SLC5A3: variants seen among roughly 807,000 people sequenced by gnomAD.
SLC5A3 encodes solute carrier family 5 member 3, also known as sodium/myo-inositol cotransporter.
A neutral mutation model predicts 43.2 loss-of-function variants in SLC5A3; 10 were observed. That is an observed-to-expected ratio of 0.23 (90% CI 0.14 to 0.39). The LOEUF is 0.39. Ranked by LOEUF, SLC5A3 falls within the 10% of genes least tolerant of loss-of-function variation. The pLI, the probability that SLC5A3 is intolerant of heterozygous loss-of-function variation, is 1.00. For synonymous variants in SLC5A3, 349 were observed against 322.0 expected, an observed-to-expected ratio of 1.08 and a Z score of -0.90; for missense variants, 608 against 893.4, an observed-to-expected ratio of 0.68 and a Z score of 4.07.
At chr21:34,089,514 T>C (rs1004423751) in intron 1 of SLC5A3, among the ~76,000 whole-genome samples, 2 of 152,228 alleles carry the variant, frequency 1.3e-5, no homozygotes, top group South Asian at 2.1e-4. Flanking sequence ...GCCAAACTTA[T>C]TGGTAGAATC....
chr21:34,091,600 A>G (rs1327906662), intron 1 of SLC5A3, among the ~76,000 whole-genome samples: 1 of 152,196 alleles, frequency 6.6e-6, no homozygotes, highest in Non-Finnish European at 1.5e-5. Flanking sequence ...ATTTATATTT[A>G]CACTTCTCTA....
In SLC5A3 at chr21:34,099,119, T is replaced by C. The variant is rs1979112036; in HGVS notation, c.*1764T>C. The C allele has an allele frequency of 1.0e-6, 1 of 999,654 alleles. No homozygotes were observed. Among genetic ancestry groups the C allele is most frequent in the Non-Finnish European group, 1.2e-6 (1 of 829,796 alleles). The allele number at this position is 999,654 out of a possible 1,614,324, so 61.9% of individuals were successfully genotyped here. On this transcript the variant is annotated 3_prime_UTR_variant, in exon 2 of 2. Transcript: ENST00000381151. ...ATGATCAGGAGGCTTTCTGAAGGAC[T>C]GAGTCTGTAAATGAAAAAATAATTT...
rs1015626660 is a variant in SLC5A3, at chr21:34,100,682, T to G, written c.*3327T>G. On this transcript the variant is annotated 3_prime_UTR_variant, in exon 2 of 2. Coordinates refer to ENST00000381151, the MANE Select transcript of SLC5A3 (RefSeq NM_006933.7). ...AAGAACTGAGTTGAGGGGGTTGTTA[T>G]GCACTTCTGTAACTTGAGGCTAAGC... 12 of 1,000,250 alleles carry G rather than the reference T, an allele frequency of 1.2e-5. No individual in the cohort carries two copies. Among genetic ancestry groups the G allele is most frequent in the Non-Finnish European group, 1.4e-5 (12 of 829,982 alleles). The allele number at this position is 1,000,250 out of a possible 1,614,324, so 62.0% of individuals were successfully genotyped here.
chr21:34,092,921 T>A (rs377103898), intron 1 of SLC5A3, among the ~76,000 whole-genome samples: 6 of 152,200 alleles, frequency 3.9e-5, no homozygotes, highest in African/African-American at 1.2e-4. Flanking sequence ...ATGACTTGGA[T>A]GGCTGTTGGG....
chr21:34,096,793 T>C lies in SLC5A3; in HGVS notation c.1595T>C (p.Leu532Pro). Residue 532 changes from leucine to proline, a missense_variant, in exon 2 of 2, where the codon CTC becomes CCC. Around this residue, in one of 2 missense-constraint regions of SLC5A3, gnomAD observed 210 missense variants for 224.8 expected, o/e 0.93. Transcript: ENST00000381151. This position sits in a 1 kb window ranked among gnomAD's most constrained non-coding sequence, Gnocchi z 5.9. ...CTCATTACTGTAATTGTGAGCCTTCTCACACCACCTCCCACAAAGGAACAG... is the reference window on the plus strand; with the variant it reads ...CTCATTACTGTAATTGTGAGCCTTCCCACACCACCTCCCACAAAGGAACAG... ...TGLITVIVSL[L>P]TPPPTKEQIR... 6.2e-7 allele frequency: 1 copy of C among 1,614,056 alleles called. No individual in the cohort carries two copies. Among genetic ancestry groups the C allele is most frequent in the Non-Finnish European group, 8.5e-7 (1 of 1,179,976 alleles).
chr21:34,084,127 A>ACTT (rs78035094), intron 1 of SLC5A3, among the ~76,000 whole-genome samples: 19,257 of 152,116 alleles, frequency 0.13, 1,593 homozygotes, highest in Non-Finnish European at 0.18. Flanking sequence ...CTTACTTCTT[A>ACTT]CTTCTTGAGT....
rs1276651610 is a variant in SLC5A3, at chr21:34,098,429, A to G, written c.*1074A>G. 3.0e-6 allele frequency: 3 copies of G among 999,946 alleles called. No individual in the cohort carries two copies. Among genetic ancestry groups the G allele is most frequent in the Non-Finnish European group, 3.6e-6 (3 of 829,864 alleles). The allele number at this position is 999,946 out of a possible 1,614,324, so 61.9% of individuals were successfully genotyped here. On this transcript the variant is annotated 3_prime_UTR_variant, in exon 2 of 2. Coordinates refer to ENST00000381151, the MANE Select transcript of SLC5A3 (RefSeq NM_006933.7). ...TTTTTAGAGGGAAAATTTAATTCTG[A>G]TATCTTATTGCATCCTTGATAAGTT...
Position 34,095,106 on chromosome 21 carries a change from C to T in SLC5A3, c.-93C>T, listed in dbSNP as rs1978903148. The T allele has an allele frequency of 6.0e-6, 9 of 1,511,452 alleles. No homozygotes were observed. The East Asian group carries it at 9.1e-5, about 15-fold the overall frequency. 93.6% of individuals were successfully genotyped at this position (1,511,452 alleles called of 1,614,324 possible). On this transcript the variant is annotated 5_prime_UTR_variant, in exon 2 of 2. The change creates a new upstream start codon in the 5' untranslated region. Coordinates refer to ENST00000381151, the MANE Select transcript of SLC5A3 (RefSeq NM_006933.7). ...GTGTTGCTCTGTGTAGTCCAGTTCA[C>T]GTATGGTTTACAGACTTGGCTGGGG... is the stretch of plus-strand genomic sequence containing the variant.
At chr21:34,075,066 A>G (rs1011068939) in intron 1 of SLC5A3, among the ~76,000 whole-genome samples, 3 of 152,244 alleles carry the variant, frequency 2.0e-5, no homozygotes, top group Admixed American at 2.0e-4. Context: ...GCTTACCAGC[A>G]TATGTAACTC....
chr21:34,074,949 C>G (rs1226675132), intron 1 of SLC5A3, among the ~76,000 whole-genome samples: 2 of 152,230 alleles, frequency 1.3e-5, no homozygotes, highest in Non-Finnish European at 2.9e-5. Context: ...TCCAGACAGC[C>G]TGGCCAGGCA....
rs1421035420 is a variant in SLC5A3 at position 34,095,655 on chromosome 21, T to A, written c.457T>A (p.Ser153Thr). 1 of 1,613,356 alleles carries A rather than the reference T, an allele frequency of 6.2e-7. No individual in the cohort carries two copies. Among genetic ancestry groups the A allele is most frequent in the Non-Finnish European group, 8.5e-7 (1 of 1,179,808 alleles). The change falls in exon 2 of 2, where the codon TCT (serine) becomes ACT (threonine). Residue 153 changes from serine (S) to threonine (T), a missense_variant. Around this residue, in one of 2 missense-constraint regions of SLC5A3, gnomAD observed 398 missense variants for 668.6 expected, o/e 0.60. Transcript: ENST00000381151. ...LYSGALFIQE[S>T]LGWNLYVSVI... ...TTCGGGTGCCCTTTTTATCCAGGAGTCTTTGGGTTGGAATCTTTATGTGTC... is the reference window on the plus strand; with the variant it reads ...TTCGGGTGCCCTTTTTATCCAGGAGACTTTGGGTTGGAATCTTTATGTGTC...
Position 34,102,449 on chromosome 21 carries a change from T to A in SLC5A3, c.*5094T>A, listed in dbSNP as rs1187226513. The A allele has an allele frequency of 3.0e-6, 3 of 1,000,016 alleles. No homozygotes were observed. The African/African-American group carries it at 5.2e-5, about 17-fold the overall frequency. The allele number at this position is 1,000,016 out of a possible 1,614,324, so 61.9% of individuals were successfully genotyped here. On this transcript the variant is annotated 3_prime_UTR_variant, in exon 2 of 2. Transcript: ENST00000381151. Reference sequence around the variant, plus strand: ...TTTTGTTTTGGGGTAAGCACCTAATTTATCCAGTAACCAACAACCCTAACC... The same window carrying A: ...TTTTGTTTTGGGGTAAGCACCTAATATATCCAGTAACCAACAACCCTAACC...
In SLC5A3 at chr21:34,101,547, A is replaced by G. The variant is rs1309907362; in HGVS notation, c.*4192A>G. On this transcript the variant is annotated 3_prime_UTR_variant, in exon 2 of 2. Coordinates refer to ENST00000381151, the MANE Select transcript of SLC5A3 (RefSeq NM_006933.7). The stretch of plus-strand genomic sequence containing the variant: ...GTGTATATGCCCACTTACCATTCAG[A>G]GAGACTGGTCTTTCTCTTTGTCTTC... The G allele has an allele frequency of 1.0e-6, 1 of 999,974 alleles. No homozygotes were observed. The highest frequency in any genetic ancestry group is 1.7e-5 in the African/African-American group (1 of 57,212). 61.9% of individuals were successfully genotyped at this position (999,974 alleles called of 1,614,324 possible).
chr21:34,080,870 T>C (rs1325145253), intron 1 of SLC5A3, among the ~76,000 whole-genome samples: 1 of 152,224 alleles, frequency 6.6e-6, no homozygotes, highest in East Asian at 1.9e-4. Context: ...GCTAGTAGTT[T>C]GCTTACAAGT....
rs1979296017 is a variant in SLC5A3, at chr21:34,102,612, C to G, written c.*5257C>G. The G allele has an allele frequency of 1.0e-6, 1 of 1,000,156 alleles. No homozygotes were observed. Among genetic ancestry groups the G allele is most frequent in the African/African-American group, 1.7e-5 (1 of 57,346 alleles). 62.0% of individuals were successfully genotyped at this position (1,000,156 alleles called of 1,614,324 possible). On this transcript the variant is annotated 3_prime_UTR_variant, in exon 2 of 2. Transcript: ENST00000381151. ...CTATTGACTTAAACCAATAACTGTA[C>G]TTTATGTAATGACTCTTAAATTTGG...
In SLC5A3 at chr21:34,100,983, G is replaced by A; in HGVS notation, c.*3628G>A. 1 of 999,584 alleles carries A rather than the reference G, an allele frequency of 1.0e-6. No individual in the cohort carries two copies. Among genetic ancestry groups the A allele is most frequent in the Non-Finnish European group, 1.2e-6 (1 of 829,432 alleles). 61.9% of individuals were successfully genotyped at this position (999,584 alleles called of 1,614,324 possible). ...ATTCTCCTGGCTCATTTTCATCAGA[G>A]GCATGATGACTGGAAAGGGATCACA... On this transcript the variant is annotated 3_prime_UTR_variant, in exon 2 of 2. Transcript: ENST00000381151.
At chr21:34,076,094 G>A (rs1324435438) in intron 1 of SLC5A3, among the ~76,000 whole-genome samples, 2 of 152,064 alleles carry the variant, frequency 1.3e-5, no homozygotes, top group Non-Finnish European at 2.9e-5. Flanking sequence ...CAAATCATTT[G>A]TGCATCTTGG....
Position 34,106,219 on chromosome 21 carries a change from G to A in SLC5A3, c.*8864G>A, listed in dbSNP as rs1320725680. 10 of 963,550 alleles carry A rather than the reference G, an allele frequency of 1.0e-5. No individual in the cohort carries two copies. The highest frequency in any genetic ancestry group is 1.1e-5 in the Non-Finnish European group (9 of 796,614). The allele number at this position is 963,550 out of a possible 1,614,324, so 59.7% of individuals were successfully genotyped here. A position where few individuals can be genotyped will look rare whatever the true frequency, so the allele number is the denominator to read the frequency against. On this transcript the variant is annotated 3_prime_UTR_variant, in exon 2 of 2. Transcript: ENST00000381151. Reference sequence around the variant, plus strand: ...AGTATAGTAATTATTTTATGGAAATGTTAGCAATTCTGTACCAACTTTGAA... The same window carrying A: ...AGTATAGTAATTATTTTATGGAAATATTAGCAATTCTGTACCAACTTTGAA...
Position 34,104,809 on chromosome 21 carries a change from C to G in SLC5A3, c.*7454C>G. ...TGTTATAACCTGTTAATCCTACGTA[C>G]TATGTGTTCTGTACCTTTACATGTT... On this transcript the variant is annotated 3_prime_UTR_variant, in exon 2 of 2. Coordinates refer to ENST00000381151, the MANE Select transcript of SLC5A3 (RefSeq NM_006933.7). 1.0e-6 allele frequency: 1 copy of G among 1,000,050 alleles called. No homozygotes were observed. The highest frequency in any genetic ancestry group is 1.2e-6 in the Non-Finnish European group (1 of 829,792). The allele number at this position is 1,000,050 out of a possible 1,614,324, so 61.9% of individuals were successfully genotyped here.
Sources: gnomAD v4.1 joint callset for allele counts (sites outside exome capture counted in the v4.1 genomes callset) on GRCh38, gnomAD v4.1.1 for gene constraint, gnomAD v4.1.1 regional missense constraint, Gnocchi (gnomAD v3.1) non-coding constraint, MANE v1.5 for transcripts, NCBI Gene and HGNC (gene_info 2026-07-23, HGNC 2026-07-21) for gene names.